Variants in TBL1XR1 observed in about 807,000 individuals in gnomAD.
The protein encoded by TBL1XR1 is F-box-like/WD repeat-containing protein TBL1XR1.
Under a neutral mutation model 66.9 loss-of-function variants are expected in TBL1XR1, and 5 were observed. The ratio of observed to expected loss-of-function variants is 0.07; its 90% CI spans 0.04 to 0.16. TBL1XR1 has a LOEUF of 0.16. Ranked by LOEUF, TBL1XR1 falls within the 10% of genes least tolerant of loss-of-function variation. The pLI, the probability that TBL1XR1 is intolerant of heterozygous loss-of-function variation, is 1.00. For synonymous variants in TBL1XR1, 210 were observed against 206.0 expected, an observed-to-expected ratio of 1.02 and a Z score of -0.17; for missense variants, 238 against 623.2, an observed-to-expected ratio of 0.38 and a Z score of 6.58.
At chr3:177,094,958 A>G (rs1723277970) in intron 2 of TBL1XR1, among the ~76,000 whole-genome samples, 1 of 152,184 alleles carries the variant, frequency 6.6e-6, no homozygotes, top group African/African-American at 2.4e-5. Context: ...TATTCCCCCA[A>G]AAACCGACTG....
intron 1 of TBL1XR1, among the ~76,000 whole-genome samples, chr3:177,171,892 A>C (rs1475098334): frequency 1.3e-5 from 2 of 152,118 alleles, no homozygotes; most frequent in Non-Finnish European, 2.9e-5. Flanking sequence ...AGGGCACAGG[A>C]GGCCAGCCTG....
intron 1 of TBL1XR1, among the ~76,000 whole-genome samples, chr3:177,135,680 C>A (rs1728914507): frequency 6.6e-6 from 1 of 151,890 alleles, no homozygotes; most frequent in African/African-American, 2.4e-5. Flanking sequence ...CCGCACCTGG[C>A]CCACTTTGTA....
intron 1 of TBL1XR1, among the ~76,000 whole-genome samples, chr3:177,127,343 T>G (rs959375993): frequency 6.6e-6 from 1 of 152,214 alleles, no homozygotes; most frequent in African/African-American, 2.4e-5. Context: ...CATTAAAAAT[T>G]CTTCTACGAT....
chr3:177,112,453 A>G (rs1037536617), intron 1 of TBL1XR1, among the ~76,000 whole-genome samples: 4 of 152,006 alleles, frequency 2.6e-5, no homozygotes, highest in Admixed American at 1.3e-4. Flanking sequence ...TGATCATAGG[A>G]CAGTTAAAGA....
chr3:177,079,268 A>G (rs1325086533), intron 2 of TBL1XR1, among the ~76,000 whole-genome samples: 1 of 151,116 alleles, frequency 6.6e-6, no homozygotes, highest in Non-Finnish European at 1.5e-5. Flanking sequence ...CGTCTCCACT[A>G]AAAAAATACA....
rs151252552 is a variant in TBL1XR1 at position 177,048,385 on chromosome 3, A to G, written c.703-836T>C. Among the ~76,000 whole-genome samples the G allele has an allele frequency of 5.3e-3, 802 of 152,308 alleles. 12 individuals carry two copies. Among genetic ancestry groups the G allele is most frequent in the African/African-American group, 0.019 (774 of 41,566 alleles). On this transcript the variant is annotated intron_variant, in intron 7 of 15. Transcript: ENST00000457928. ...AGAATGAAATCCTGCATTACTTGAC[A>G]TATTATTGATGGTTTTTGGTAAGGG... is the stretch of plus-strand genomic sequence containing the variant.
At chr3:177,188,739 C>T (rs1735750727) in intron 1 of TBL1XR1, among the ~76,000 whole-genome samples, 2 of 152,154 alleles carry the variant, frequency 1.3e-5, no homozygotes, top group Admixed American at 1.3e-4. Flanking sequence ...TCACATAAAT[C>T]TCCTGAATCT....
At chr3:177,040,697 C>T (rs934540790) in intron 10 of TBL1XR1, among the ~76,000 whole-genome samples, 3 of 151,420 alleles carry the variant, frequency 2.0e-5, no homozygotes, top group African/African-American at 7.3e-5. Flanking sequence ...CACTGCCTGG[C>T]TAAAGACAAA....
At chr3:177,031,699 G>A (rs1274184699) in intron 14 of TBL1XR1, among the ~76,000 whole-genome samples, 1 of 149,324 alleles carries the variant, frequency 6.7e-6, no homozygotes, top group Non-Finnish European at 1.5e-5. Flanking sequence ...GCTGAGGTGG[G>A]AGGATCCCTT....
chr3:177,157,868 C>T (rs139768611), intron 1 of TBL1XR1, among the ~76,000 whole-genome samples: 237 of 152,294 alleles, frequency 1.6e-3, no homozygotes, highest in African/African-American at 5.5e-3. Context: ...GGTAGTTGCA[C>T]AGGTATATAC....
rs114190290 is a variant in TBL1XR1 at position 177,037,689 on chromosome 3, A to G, written c.1122+409T>C. ...GAATGGAACCACACCTCCATCTTTC[A>G]TGGGTCTCCAGCTTGTAGACAGCAG... On this transcript the variant is annotated intron_variant, in intron 12 of 15. Coordinates refer to ENST00000457928, the MANE Select transcript of TBL1XR1 (RefSeq NM_024665.7). 1,062 of 157,854 alleles carry G rather than the reference A, an allele frequency of 6.7e-3. 19 individuals carry two copies. The highest frequency in any genetic ancestry group is 0.025 in the African/African-American group (1,020 of 41,584). 9.8% of individuals were successfully genotyped at this position (157,854 alleles called of 1,614,324 possible).
chr3:177,144,396 G>A (rs1251510265), intron 1 of TBL1XR1, among the ~76,000 whole-genome samples: 1 of 152,212 alleles, frequency 6.6e-6, no homozygotes, highest in African/African-American at 2.4e-5. Context: ...GGGCCAGATA[G>A]TAATTCTTCC....
chr3:177,050,961 T>C (rs1047499685), intron 5 of TBL1XR1, among the ~76,000 whole-genome samples: 2 of 152,174 alleles, frequency 1.3e-5, no homozygotes, highest in Non-Finnish European at 2.9e-5. Flanking sequence ...GTTGCTGATA[T>C]CATTCATATA....
At chr3:177,089,416 C>T (rs1722553958) in intron 2 of TBL1XR1, among the ~76,000 whole-genome samples, 1 of 152,154 alleles carries the variant, frequency 6.6e-6, no homozygotes, top group Non-Finnish European at 1.5e-5. Context: ...GACAAATTAC[C>T]CGAGGTTCCT....
intron 2 of TBL1XR1, among the ~76,000 whole-genome samples, chr3:177,066,161 T>A (rs1334600487): frequency 6.6e-6 from 1 of 152,108 alleles, no homozygotes; most frequent in East Asian, 1.9e-4. Context: ...GCAGATTTTT[T>A]AAAAAAATCA....
intron 1 of TBL1XR1, among the ~76,000 whole-genome samples, chr3:177,143,716 C>T (rs901972354): frequency 1.3e-5 from 2 of 152,060 alleles, no homozygotes; most frequent in Non-Finnish European, 2.9e-5. Flanking sequence ...AGAATATTAT[C>T]CAATTGTTTA....
intron 3 of TBL1XR1, among the ~76,000 whole-genome samples, chr3:177,054,691 A>C (rs1717580404): frequency 6.6e-6 from 1 of 152,178 alleles, no homozygotes; most frequent in Non-Finnish European, 1.5e-5. Context: ...GTTAAATCTC[A>C]TTTTATGTAT....
intron 1 of TBL1XR1, among the ~76,000 whole-genome samples, chr3:177,153,274 G>T (rs1273127023): frequency 6.6e-6 from 1 of 152,142 alleles, no homozygotes; most frequent in African/African-American, 2.4e-5. Context: ...CTCACCAAGA[G>T]ACCTGACTAG....
In TBL1XR1 at chr3:177,177,573, T is replaced by C. The variant is rs745791881; in HGVS notation, c.-122+19548A>G. 2.4e-4 allele frequency among the ~76,000 whole-genome samples: 37 copies of C among 152,246 alleles called. 1 individual carries two copies. The highest frequency in any genetic ancestry group is 4.8e-4 in the Non-Finnish European group (33 of 68,046). On this transcript the variant is annotated intron_variant, in intron 1 of 15. Transcript: ENST00000457928. ...CCGTTTTTTCTATTATTTGACTCGA[T>C]TGCCATCTTTAAGTATGGCACTCAC...
Sources: gnomAD v4.1 joint callset for allele counts (sites outside exome capture counted in the v4.1 genomes callset) on GRCh38, gnomAD v4.1.1 for gene constraint, MANE v1.5 for transcripts, NCBI Gene and HGNC (gene_info 2026-07-23, HGNC 2026-07-21) for gene names.